Variants in NRXN3 observed in about 807,000 individuals in gnomAD.
The protein encoded by NRXN3 is neurexin 3.
NRXN3 carries 32 observed loss-of-function variants against 137.6 expected under a neutral mutation model. That is an observed-to-expected ratio of 0.23 (90% CI 0.18 to 0.31). The LOEUF is 0.31. Among genes scored for constraint, NRXN3 ranks in the 10% least tolerant of loss-of-function variants. NRXN3 has a pLI of 1.00. For synonymous variants in NRXN3, 798 were observed against 784.5 expected (o/e 1.02, Z -0.29); for missense variants, 1,574 against 2,062.5 (o/e 0.76, Z 4.59).
In NRXN3 at chr14:79,731,048, A is replaced by G. The variant is rs547606941; in HGVS notation, c.4014+33111A>G. Among the ~76,000 whole-genome samples, 6 of 152,286 alleles carry G rather than the reference A, an allele frequency of 3.9e-5. No individual in the cohort carries two copies. The East Asian group carries it at 7.7e-4, about 20-fold the overall frequency. Reference sequence around the variant, plus strand: ...AAATATATTGAATGAAAATCTCCCTATTACAGGAAGACACTGCGGGTTGCT... The same window carrying G: ...AAATATATTGAATGAAAATCTCCCTGTTACAGGAAGACACTGCGGGTTGCT... On this transcript the variant is annotated intron_variant, in intron 19 of 20. Coordinates refer to ENST00000335750, the MANE Select transcript of NRXN3 (RefSeq NM_001330195.2).
intron 11 of NRXN3, among the ~76,000 whole-genome samples, chr14:78,959,923 G>GT (rs944803111): frequency 5.3e-5 from 8 of 151,974 alleles, no homozygotes; most frequent in Non-Finnish European, 1.2e-4. Context: ...CAGTGAGTTC[G>GT]TTTCATTTTC....
intron 6 of NRXN3, among the ~76,000 whole-genome samples, chr14:78,690,964 G>C (rs544464302): frequency 3.3e-5 from 5 of 152,290 alleles, no homozygotes; most frequent in Middle Eastern, 3.4e-3. Flanking sequence ...ACAGGAAAGA[G>C]AGCCTTCATC....
chr14:79,022,274 G>A (rs988101396), intron 15 of NRXN3, among the ~76,000 whole-genome samples: 1 of 152,148 alleles, frequency 6.6e-6, no homozygotes, highest in East Asian at 1.9e-4. Flanking sequence ...GAAAGAAATA[G>A]GAGCTAGAGA....
At chr14:78,487,303 C>G (rs2095576789) in intron 4 of NRXN3, among the ~76,000 whole-genome samples, 1 of 152,114 alleles carries the variant, frequency 6.6e-6, no homozygotes, top group Admixed American at 6.5e-5. Context: ...CATTGCAACT[C>G]TGGAGGAGGC....
In NRXN3 at chr14:79,861,345, A is replaced by C. The variant is rs961838720; in HGVS notation, c.4097A>C (p.Lys1366Thr). 6.5e-7 allele frequency: 1 copy of C among 1,536,020 alleles called. No individual in the cohort carries two copies. The highest frequency in any genetic ancestry group is 2.0e-5 in the Admixed American group (1 of 50,976). ...DFVECEPSTD[K>T]SLSTSIFEGG... Reference sequence around the variant, plus strand: ...ACCACCTTCTCCTTGGTAACAGATAAGAGTCTTTCCACTTCAATCTTCGAA... The same window carrying C: ...ACCACCTTCTCCTTGGTAACAGATACGAGTCTTTCCACTTCAATCTTCGAA... Residue 1366 changes from lysine (K) to threonine (T), a missense_variant, in exon 21 of 21, where the codon AAG (lysine) becomes ACG (threonine). Lys to Thr is a moderately conservative substitution (Grantham distance 78). Coordinates refer to ENST00000335750, the MANE Select transcript of NRXN3 (RefSeq NM_001330195.2). This position sits in a 1 kb window ranked among gnomAD's most constrained non-coding sequence, Gnocchi z 5.4.
chr14:78,915,184 G>C (rs1039388920), intron 10 of NRXN3, among the ~76,000 whole-genome samples: 1 of 151,718 alleles, frequency 6.6e-6, no homozygotes, highest in Non-Finnish European at 1.5e-5. Context: ...AATTAAAGAG[G>C]TGAGAATAAA....
intron 10 of NRXN3, among the ~76,000 whole-genome samples, chr14:78,856,291 G>A (rs753727598): frequency 2.0e-4 from 30 of 152,184 alleles, no homozygotes; most frequent in Admixed American, 1.2e-3. Flanking sequence ...TGTTCTTTAT[G>A]ACATCAACCT....
At chr14:79,689,828 T>C (rs2098709587) in intron 17 of NRXN3, among the ~76,000 whole-genome samples, 1 of 152,168 alleles carries the variant, frequency 6.6e-6, no homozygotes, top group South Asian at 2.1e-4. Context: ...ACAAGGGCCC[T>C]GTGTATTTGG....
intron 19 of NRXN3, among the ~76,000 whole-genome samples, chr14:79,771,086 G>A (rs1272607476): frequency 9.2e-5 from 14 of 152,190 alleles, no homozygotes; most frequent in African/African-American, 3.1e-4. Flanking sequence ...AAGAAATTGA[G>A]TCTCTGAATA....
chr14:78,560,745 G>A (rs1005566362), intron 4 of NRXN3, among the ~76,000 whole-genome samples: 2 of 152,282 alleles, frequency 1.3e-5, no homozygotes, highest in Non-Finnish European at 2.9e-5. Context: ...TGGAACCTGG[G>A]GGAAAAGAGT....
At chr14:79,081,029 T>A (rs2046891692) in intron 15 of NRXN3, among the ~76,000 whole-genome samples, 1 of 152,184 alleles carries the variant, frequency 6.6e-6, no homozygotes, top group South Asian at 2.1e-4. Flanking sequence ...AGCAAAAGCA[T>A]AACCAGCACG....
intron 10 of NRXN3, among the ~76,000 whole-genome samples, chr14:78,899,363 C>T (rs1185341490): frequency 1.3e-5 from 2 of 151,946 alleles, no homozygotes; most frequent in Non-Finnish European, 2.9e-5. Flanking sequence ...TTTGTTCCTC[C>T]TGATGCTGTA....
intron 4 of NRXN3, among the ~76,000 whole-genome samples, chr14:78,394,745 G>A (rs1051699514): frequency 5.9e-5 from 9 of 151,788 alleles, no homozygotes; most frequent in African/African-American, 1.9e-4. Context: ...TTCCTTAATA[G>A]TTATGTAGCT....
At chr14:79,447,049 C>T (rs2096073514) in intron 15 of NRXN3, among the ~76,000 whole-genome samples, 1 of 152,100 alleles carries the variant, frequency 6.6e-6, no homozygotes, top group African/African-American at 2.4e-5. Context: ...GGACTGTAAC[C>T]CTTGATGTTA....
intron 19 of NRXN3, among the ~76,000 whole-genome samples, chr14:79,722,990 T>G: frequency 6.6e-6 from 1 of 152,116 alleles, no homozygotes. Context: ...AGCATAGTCT[T>G]GAGTGGGCTT....
intron 4 of NRXN3, among the ~76,000 whole-genome samples, chr14:78,474,938 T>A (rs1159611181): frequency 6.6e-6 from 1 of 152,210 alleles, no homozygotes; most frequent in Non-Finnish European, 1.5e-5. Context: ...GATCTTTAGG[T>A]CTGCCTCTGG....
chr14:78,280,783 C>T (rs1442368458), intron 3 of NRXN3, among the ~76,000 whole-genome samples: 1 of 152,202 alleles, frequency 6.6e-6, no homozygotes, highest in Non-Finnish European at 1.5e-5. Context: ...TTCTGCCATC[C>T]TTTCAAAGGG....
Position 79,856,382 on chromosome 14 carries a change from G to C in NRXN3, c.4094-4960G>C, listed in dbSNP as rs559216602. On this transcript the variant is annotated intron_variant, in intron 20 of 20. Transcript: ENST00000335750. ...TATCTTTGAAAAATTAATTCTTGGG[G>C]GGAAAAGAATTATTTCCCCTTATCA... Among the ~76,000 whole-genome samples the C allele has an allele frequency of 5.3e-5, 8 of 152,180 alleles. No homozygotes were observed. The South Asian group carries it at 1.5e-3, about 28-fold the overall frequency.
rs542311840 is a variant in NRXN3, at chr14:78,953,045, G to T, written c.2276-4197G>T. On this transcript the variant is annotated intron_variant, in intron 10 of 20. Transcript: ENST00000335750. ...GTCAGGGGTAACTTGTAGTCTTGCT[G>T]CTTATATTGCTCCTGGGGGGAATAA... Among the ~76,000 whole-genome samples, 4 of 152,304 alleles carry T rather than the reference G, an allele frequency of 2.6e-5. No individual in the cohort carries two copies. The East Asian group carries it at 5.8e-4, about 22-fold the overall frequency.
Sources: gnomAD v4.1 joint callset for allele counts (sites outside exome capture counted in the v4.1 genomes callset) on GRCh38, gnomAD v4.1.1 for gene constraint, Gnocchi (gnomAD v3.1) non-coding constraint, MANE v1.5 for transcripts, NCBI Gene and HGNC (gene_info 2026-07-23, HGNC 2026-07-21) for gene names.